Variants in PDLIM5 observed in about 807,000 individuals in gnomAD.
The protein encoded by PDLIM5 is PDZ and LIM domain 5.
Under a neutral mutation model 64.2 loss-of-function variants are expected in PDLIM5, and 34 were observed. That is an observed-to-expected ratio of 0.53 (90% CI 0.40 to 0.71). PDLIM5 has a LOEUF of 0.71. Ranked by LOEUF, PDLIM5 falls within the 30% of genes least tolerant of loss-of-function variation. PDLIM5 has a pLI of 0.00. For synonymous variants in PDLIM5, 253 were observed against 269.1 expected (o/e 0.94, Z 0.59); for missense variants, 683 against 733.6 (o/e 0.93, Z 0.80).
intron 5 of PDLIM5, among the ~76,000 whole-genome samples, chr4:94,583,753 G>T (rs973170330): frequency 6.6e-6 from 1 of 151,906 alleles, no homozygotes; most frequent in Admixed American, 6.6e-5. Flanking sequence ...TTGTTATTTT[G>T]TATATGCAGA....
At chr4:94,590,557 A>G (rs1374393539) in intron 7 of PDLIM5, among the ~76,000 whole-genome samples, 1 of 152,236 alleles carries the variant, frequency 6.6e-6, no homozygotes, top group African/African-American at 2.4e-5. Flanking sequence ...TAATAAGTTA[A>G]TATAAAATAA....
rs868028373 is a variant in PDLIM5 at position 94,582,858 on chromosome 4, A to G, written c.711-2707A>G. ...ATAAGAATTTTCAAAAATGTTAAGG[A>G]GCATAAGAAGCATTTTTTTTTATGC... is the stretch of plus-strand genomic sequence containing the variant. On this transcript the variant is annotated intron_variant, in intron 5 of 12. Coordinates refer to ENST00000317968, the MANE Select transcript of PDLIM5 (RefSeq NM_006457.5). 1.1e-5 allele frequency: 7 copies of G among 646,652 alleles called. No individual in the cohort carries two copies. In the South Asian group the frequency reaches 1.4e-4, roughly 13 times the overall value. 40.1% of individuals were successfully genotyped at this position (646,652 alleles called of 1,614,324 possible).
At chr4:94,530,729 C>A (rs1402221458) in intron 3 of PDLIM5, among the ~76,000 whole-genome samples, 3 of 152,094 alleles carry the variant, frequency 2.0e-5, no homozygotes. Context: ...CCTTCCCCTT[C>A]TTCTTCATCC....
chr4:94,492,283 T>G (rs956340415), intron 2 of PDLIM5, among the ~76,000 whole-genome samples: 1 of 151,814 alleles, frequency 6.6e-6, no homozygotes, highest in African/African-American at 2.4e-5. Flanking sequence ...TGAATTATAC[T>G]TCCTCTCTTT....
At chr4:94,456,024 T>C in intron 2 of PDLIM5, 1 of 1,374,790 alleles carries the variant, frequency 7.3e-7, no homozygotes. Context: ...ATAGCACTGA[T>C]GAGAGGAGTA....
intron 8 of PDLIM5, among the ~76,000 whole-genome samples, chr4:94,634,093 C>T (rs1329608752): frequency 1.3e-5 from 2 of 152,124 alleles, no homozygotes; most frequent in Non-Finnish European, 2.9e-5. Flanking sequence ...GTCAGATGCT[C>T]TAAGACCTTT....
intron 3 of PDLIM5, among the ~76,000 whole-genome samples, chr4:94,565,398 T>C (rs1734232745): frequency 2.0e-5 from 3 of 152,362 alleles, no homozygotes; most frequent in South Asian, 2.1e-4. Flanking sequence ...TTTCTGTCAA[T>C]CTTGCATGCT....
intron 7 of PDLIM5, among the ~76,000 whole-genome samples, chr4:94,615,588 G>A (rs911446767): frequency 6.6e-6 from 1 of 152,192 alleles, no homozygotes; most frequent in Non-Finnish European, 1.5e-5. Flanking sequence ...AGTGATAGGA[G>A]ATAAGATTAG....
intron 2 of PDLIM5, among the ~76,000 whole-genome samples, chr4:94,512,397 T>A (rs1247594064): frequency 6.6e-6 from 1 of 152,170 alleles, no homozygotes; most frequent in Non-Finnish European, 1.5e-5. Flanking sequence ...CCACCAACAG[T>A]GTACAAGGGT....
intron 3 of PDLIM5, among the ~76,000 whole-genome samples, chr4:94,539,134 G>A (rs2110177099): frequency 6.6e-6 from 1 of 152,280 alleles, no homozygotes. Context: ...GAGCTGGACT[G>A]GAGGTTGGGA....
In PDLIM5 at chr4:94,605,325, G is replaced by A. The variant is rs140745101; in HGVS notation, c.921-12679G>A. ...TTTGCTGGACAGATTGTTCACAAGG[G>A]TCCGTAATGAACAAGTGCAGAGATG... On this transcript the variant is annotated intron_variant, in intron 7 of 12. Coordinates refer to ENST00000317968, the MANE Select transcript of PDLIM5 (RefSeq NM_006457.5). Among the ~76,000 whole-genome samples the A allele has an allele frequency of 3.9e-3, 593 of 152,310 alleles. 6 individuals are homozygous for A. The highest frequency in any genetic ancestry group is 0.013 in the African/African-American group (558 of 41,540).
chr4:94,534,638 T>G (rs147670777), intron 3 of PDLIM5, among the ~76,000 whole-genome samples: 1 of 152,200 alleles, frequency 6.6e-6, no homozygotes, highest in African/African-American at 2.4e-5. Context: ...TGAGGTTAAA[T>G]GAAATAGCAT....
At chr4:94,579,656 C>G (rs1215032264) in intron 5 of PDLIM5, 1 of 460,606 alleles carries the variant, frequency 2.2e-6, no homozygotes, top group South Asian at 4.9e-5. Flanking sequence ...TTTAGAATAA[C>G]CACATTTAGT....
Position 94,563,942 on chromosome 4 carries a change from T to TC in PDLIM5, c.249-9409_249-9408insC, listed in dbSNP as rs1291998321. Among the ~76,000 whole-genome samples the TC allele has an allele frequency of 3.7e-3, 458 of 124,758 alleles. 4 individuals are homozygous for TC. Among genetic ancestry groups the TC allele is most frequent in the Non-Finnish European group, 5.6e-3 (313 of 56,390 alleles). The allele number at this position is 124,758 out of a possible 152,430, so 81.8% of individuals were successfully genotyped here. ...TACTGCATTTAGCAATTTTTCTTTT[T>TC]TTTTTTTCTTTCTTTCTTTTTTTTT... On this transcript the variant is annotated intron_variant, in intron 3 of 12. Transcript: ENST00000317968.
intron 9 of PDLIM5, among the ~76,000 whole-genome samples, chr4:94,648,961 GT>G (rs960723266): frequency 3.3e-5 from 5 of 149,744 alleles, no homozygotes; most frequent in African/African-American, 1.2e-4. Flanking sequence ...GGATGTAATT[GT>G]TTTTTTTTGA....
At chr4:94,544,962 G>A (rs1226722061) in intron 3 of PDLIM5, among the ~76,000 whole-genome samples, 1 of 152,170 alleles carries the variant, frequency 6.6e-6, no homozygotes, top group Non-Finnish European at 1.5e-5. Flanking sequence ...GGCTACTTTG[G>A]CAACAGCATA....
chr4:94,664,324 T>C lies in PDLIM5; in HGVS notation c.*257T>C, dbSNP rs1252961640. ...AGCTTTATAAAAACCAATTTCCTGA[T>C]GGACTATTAAATTCATCTTAGAATA... On this transcript the variant is annotated 3_prime_UTR_variant, in exon 13 of 13. Coordinates refer to ENST00000317968, the MANE Select transcript of PDLIM5 (RefSeq NM_006457.5). 1.5e-5 allele frequency: 11 copies of C among 748,716 alleles called. No individual in the cohort carries two copies. The highest frequency in any genetic ancestry group is 1.8e-5 in the Non-Finnish European group (11 of 599,294). 46.4% of individuals were successfully genotyped at this position (748,716 alleles called of 1,614,324 possible). A position where few individuals can be genotyped will look rare whatever the true frequency, so the allele number is the denominator to read the frequency against.
At chr4:94,606,345 G>A (rs1403554015) in intron 7 of PDLIM5, among the ~76,000 whole-genome samples, 1 of 152,148 alleles carries the variant, frequency 6.6e-6, no homozygotes, top group Non-Finnish European at 1.5e-5. Flanking sequence ...GGCAGCTAAG[G>A]TGGCTTGGGG....
chr4:94,609,546 T>C (rs1445487574), intron 7 of PDLIM5, among the ~76,000 whole-genome samples: 1 of 152,218 alleles, frequency 6.6e-6, no homozygotes, highest in Non-Finnish European at 1.5e-5. Context: ...GTTTTGATCA[T>C]ATTCACTGTA....
Sources: allele counts gnomAD v4.1 joint callset (sites outside exome capture counted in the v4.1 genomes callset), GRCh38; gene constraint gnomAD v4.1.1; transcripts MANE v1.5; gene names NCBI Gene and HGNC (gene_info 2026-07-23, HGNC 2026-07-21).